The following UNKL variants were observed in gnomAD, a reference collection of about 807,000 sequenced individuals.
UNKL encodes the protein putative E3 ubiquitin-protein ligase UNKL.
UNKL carries 60 observed loss-of-function variants against 78.0 expected under a neutral mutation model. That is an observed-to-expected ratio of 0.77 (90% CI 0.63 to 0.95). UNKL has a LOEUF of 0.95. UNKL is among the 40% of genes least tolerant of loss of function. The pLI is 0.00. For synonymous variants in UNKL, 608 were observed against 474.8 expected, an observed-to-expected ratio of 1.28 and a Z score of -3.65; for missense variants, 1,159 against 1,045.7, an observed-to-expected ratio of 1.11 and a Z score of -1.49.
chr16:1,399,046 C>T lies in UNKL; in HGVS notation c.734+328G>A. ...ACAGGCTGGAGAGCGTGGCTGCAAC[C>T]AGAGGCACGGGTGGGGCACACGGGG... On this transcript the variant is annotated intron_variant, in intron 5 of 14. Transcript: ENST00000389221. This position sits in a 1 kb window ranked among gnomAD's most constrained non-coding sequence, Gnocchi z 5.8. The T allele has an allele frequency of 1.4e-6, 2 of 1,420,968 alleles. No homozygotes were observed. Among genetic ancestry groups the T allele is most frequent in the Admixed American group, 2.6e-5 (1 of 37,892 alleles). 88.0% of individuals were successfully genotyped at this position (1,420,968 alleles called of 1,614,324 possible).
chr16:1,367,845 G>A lies in UNKL; in HGVS notation c.1599C>T (p.Val533=), dbSNP rs764899142. 3.8e-6 allele frequency: 6 copies of A among 1,569,956 alleles called. No homozygotes were observed. Among genetic ancestry groups the A allele is most frequent in the Admixed American group, 3.7e-5 (2 of 53,722 alleles). ...SSYSPLGLNG[V]PGSIWDFVSG... Reference sequence around the variant, plus strand: ...AAACAAAGTCCCAGATGCTCCCGGGGACACCGTTCAAACCTGAGTGTGAAA... The same window carrying A: ...AAACAAAGTCCCAGATGCTCCCGGGAACACCGTTCAAACCTGAGTGTGAAA... Residue 533 remains valine (V), a synonymous_variant, in exon 13 of 15, where the codon GTC becomes GTT. Transcript: ENST00000389221.
chr16:1,393,446 A>G (rs2037134227), intron 7 of UNKL, among the ~76,000 whole-genome samples: 1 of 151,578 alleles, frequency 6.6e-6, no homozygotes, highest in South Asian at 2.1e-4. Context: ...TGCAGCGTGG[A>G]GGAGGCCGCG....
chr16:1,403,953 A>G lies in UNKL; in HGVS notation c.288-609T>C, dbSNP rs2037640255. 6.6e-6 allele frequency among the ~76,000 whole-genome samples: 1 copy of G among 152,108 alleles called. No individual in the cohort carries two copies. Among genetic ancestry groups the G allele is most frequent in the South Asian group, 2.1e-4 (1 of 4,830 alleles). Reference sequence around the variant, plus strand: ...ATGGGCCACCTGCAGGCCCAGAGCCATGCTCCTGGGGAGTCACAGGCAGCT... The same window carrying G: ...ATGGGCCACCTGCAGGCCCAGAGCCGTGCTCCTGGGGAGTCACAGGCAGCT... On this transcript the variant is annotated intron_variant, in intron 2 of 14. Transcript: ENST00000389221. This position sits in a 1 kb window ranked among gnomAD's most constrained non-coding sequence, Gnocchi z 4.8.
At chr16:1,398,566 G>C (rs758118147) in intron 5 of UNKL, 33 of 1,389,396 alleles carry the variant, frequency 2.4e-5, no homozygotes, top group Non-Finnish European at 2.9e-5. Flanking sequence ...GGCAGCACCA[G>C]GTCATTCAAA....
In UNKL at chr16:1,399,923, A is replaced by G. The variant is rs1323195129; in HGVS notation, c.599-414T>C. ...AGACATGCACACCCCGAAATGCCGC[A>G]TGGTGAGCCTCATGCGCACCACAGC... On this transcript the variant is annotated intron_variant, in intron 4 of 14. Coordinates refer to ENST00000389221, the MANE Select transcript of UNKL (RefSeq NM_001372107.1). This position sits in a 1 kb window ranked among gnomAD's most constrained non-coding sequence, Gnocchi z 5.8. Among the ~76,000 whole-genome samples the G allele has an allele frequency of 6.8e-6, 1 of 146,248 alleles. No homozygotes were observed. The highest frequency in any genetic ancestry group is 2.1e-4 in the East Asian group (1 of 4,776).
Position 1,398,717 on chromosome 16 carries a change from A to G in UNKL, c.734+657T>C, listed in dbSNP as rs113372910. On this transcript the variant is annotated intron_variant, in intron 5 of 14. Transcript: ENST00000389221. ...CCCCTCTCAGGTGCAAACTGCAGAC[A>G]GGAGGCAAGCCAGGCCAGGCACAAC... The G allele has an allele frequency of 2.3e-4, 284 of 1,217,724 alleles. 2 individuals carry two copies. In the African/African-American group the frequency reaches 4.5e-3, roughly 19 times the overall value. The allele number at this position is 1,217,724 out of a possible 1,614,324, so 75.4% of individuals were successfully genotyped here.
At chr16:1,400,968 C>T (rs1006648626) in intron 4 of UNKL, among the ~76,000 whole-genome samples, 2 of 152,232 alleles carry the variant, frequency 1.3e-5, no homozygotes, top group Non-Finnish European at 2.9e-5. Context: ...AGATTACAGG[C>T]GTGAGCCAGT....
chr16:1,409,741 C>G (rs2037950755), intron 2 of UNKL, among the ~76,000 whole-genome samples: 1 of 152,092 alleles, frequency 6.6e-6, no homozygotes, highest in Non-Finnish European at 1.5e-5. Flanking sequence ...CACCCTGTGC[C>G]TAGCAGTGAG....
Position 1,399,228 on chromosome 16 carries a change from G to A in UNKL, c.734+146C>T, listed in dbSNP as rs912528134. 22 of 1,348,858 alleles carry A rather than the reference G, an allele frequency of 1.6e-5. No homozygotes were observed. The African/African-American group carries it at 2.5e-4, about 15-fold the overall frequency. The allele number at this position is 1,348,858 out of a possible 1,614,324, so 83.6% of individuals were successfully genotyped here. A position where few individuals can be genotyped will look rare whatever the true frequency, so the allele number is the denominator to read the frequency against. ...CTCCATGGCACCTCCCACAGCCACT[G>A]TGCTTGGAGATGCCCTCCCCTCCCG... is the stretch of plus-strand genomic sequence containing the variant. On this transcript the variant is annotated intron_variant, in intron 5 of 14. Transcript: ENST00000389221. This position sits in a 1 kb window ranked among gnomAD's most constrained non-coding sequence, Gnocchi z 5.8.
chr16:1,400,098 C>T (rs752261928), intron 4 of UNKL, among the ~76,000 whole-genome samples: 16 of 152,072 alleles, frequency 1.1e-4, no homozygotes, highest in South Asian at 6.2e-4. Flanking sequence ...AACCGGAAAC[C>T]GCTCTAAAAA....
chr16:1,377,340 G>A (rs1385682807), intron 10 of UNKL, among the ~76,000 whole-genome samples: 2 of 151,958 alleles, frequency 1.3e-5, no homozygotes, highest in Non-Finnish European at 2.9e-5. Flanking sequence ...ACTTTCAGGG[G>A]ACACAATTCA....
intron 9 of UNKL, among the ~76,000 whole-genome samples, chr16:1,386,372 G>C (rs1051937100): frequency 2.0e-5 from 3 of 152,160 alleles, no homozygotes; most frequent in Non-Finnish European, 4.4e-5. Flanking sequence ...GCCCAACATG[G>C]AGAAACCCCA....
chr16:1,394,413 G>C (rs1056128733), intron 6 of UNKL, 198 bp from the exon 7 acceptor site: 1 of 711,452 alleles, frequency 1.4e-6, no homozygotes, highest in Non-Finnish European at 2.5e-6. Context: ...CCGACCCACA[G>C]GGAACACGCA....
chr16:1,401,744 C>T, intron 3 of UNKL, 43 bp from the exon 4 acceptor site: 2 of 1,572,070 alleles, frequency 1.3e-6, no homozygotes. Flanking sequence ...GCATCTGGAG[C>T]CTCCAAAGCT....
At chr16:1,391,968 G>A (rs771277101) in intron 8 of UNKL, among the ~76,000 whole-genome samples, 3 of 152,142 alleles carry the variant, frequency 2.0e-5, no homozygotes, top group Non-Finnish European at 2.9e-5. Context: ...GATTACAGGC[G>A]TGAGCCACCG....
chr16:1,374,996 CT>C (rs1441343034), intron 10 of UNKL, among the ~76,000 whole-genome samples: 2 of 152,226 alleles, frequency 1.3e-5, no homozygotes, highest in African/African-American at 4.8e-5. Flanking sequence ...CACCTCACCC[CT>C]CTGCCCAGGC....
intron 11 of UNKL, 78 bp from the exon 12 acceptor site, chr16:1,370,435 G>C: frequency 6.7e-7 from 1 of 1,488,022 alleles, no homozygotes; most frequent in Non-Finnish European, 8.9e-7. Context: ...GGCAGCCGTG[G>C]AAGACGGACC....
chr16:1,380,267 G>C (rs2036551255), intron 10 of UNKL, among the ~76,000 whole-genome samples: 1 of 150,988 alleles, frequency 6.6e-6, no homozygotes, highest in East Asian at 2.0e-4. Flanking sequence ...CAACCTGAAG[G>C]AAACTGTACT....
intron 2 of UNKL, among the ~76,000 whole-genome samples, chr16:1,407,693 CA>C (rs796468528): frequency 0.089 from 7,136 of 80,480 alleles, 321 homozygotes; most frequent in African/African-American, 0.21. Flanking sequence ...GAGGCCCTGT[CA>C]AAAAAAAAAA....
Sources: gnomAD v4.1 joint callset for allele counts (sites outside exome capture counted in the v4.1 genomes callset) on GRCh38, gnomAD v4.1.1 for gene constraint, Gnocchi (gnomAD v3.1) non-coding constraint, MANE v1.5 for transcripts, NCBI Gene and HGNC (gene_info 2026-07-23, HGNC 2026-07-21) for gene names.